HAUS4: variants seen among roughly 807,000 people sequenced by gnomAD.
The protein encoded by HAUS4 is HAUS augmin like complex subunit 4.
A neutral mutation model predicts 50.6 loss-of-function variants in HAUS4; 34 were observed. The ratio of observed to expected loss-of-function variants is 0.67; its 90% confidence interval spans 0.51 to 0.90. The LOEUF (loss-of-function observed/expected upper bound fraction) is 0.90, where lower values mean the gene tolerates loss of function less well. Among genes scored for constraint, HAUS4 ranks in the 40% least tolerant of loss-of-function variants. The pLI, the probability that HAUS4 is intolerant of heterozygous loss-of-function variation, is 0.00. For missense variants in HAUS4, 370 were observed against 428.7 expected (o/e 0.86, Z 1.21); for synonymous variants, 149 against 161.4 (o/e 0.92, Z 0.58).
intron 9 of HAUS4, 59 bp downstream of exon 9, chr14:22,947,112 G>C: frequency 1.8e-6 from 2 of 1,114,248 alleles, no homozygotes; most frequent in Non-Finnish European, 1.4e-6. Flanking sequence ...AAATAAACGA[G>C]TTTAGGGAAT....
chr14:22,948,250 A>T (rs1349042239), intron 6 of HAUS4: 2 of 498,176 alleles, frequency 4.0e-6, no homozygotes. Flanking sequence ...AGAGTTCAAG[A>T]CCGGCTTGGG....
rs754199224 is a variant in HAUS4, at chr14:22,947,992, T to C, written c.584A>G (p.Lys195Arg). ...TGCGAGTTTCCACACCTTTGCTGCC[T>C]TCACGGTTTCACTGTCAGCATCTGA... ...PNSDADSETV[K>R]AAKVWKLAEV... Residue 195 changes from lysine to arginine, a missense_variant, in exon 7 of 10, where the codon AAG becomes AGG. Physicochemically the swap from Lys to Arg is conservative, Grantham distance 26. Coordinates refer to ENST00000541587, the MANE Select transcript of HAUS4 (RefSeq NM_001166269.2). 13 of 1,612,010 alleles carry C rather than the reference T, an allele frequency of 8.1e-6. No homozygotes were observed. Among genetic ancestry groups the C allele is most frequent in the Non-Finnish European group, 1.1e-5 (13 of 1,179,212 alleles).
rs1347100814 is a variant in HAUS4, at chr14:22,950,048, A to T, written c.562+266T>A. Among the ~76,000 whole-genome samples the T allele has an allele frequency of 2.0e-5, 3 of 151,812 alleles. No homozygotes were observed. The East Asian group carries it at 5.8e-4, about 29-fold the overall frequency. ...GAGGCTGAGGCAGGAGAATCACTTGAATCTAGGAGGAGGAGCTTGCGGTGA... is the reference window on the plus strand; with the variant it reads ...GAGGCTGAGGCAGGAGAATCACTTGTATCTAGGAGGAGGAGCTTGCGGTGA... On this transcript the variant is annotated intron_variant, in intron 6 of 9. Transcript: ENST00000541587.
chr14:22,950,052 TAGG>T lies in HAUS4; in HGVS notation c.562+259_562+261del, dbSNP rs2044722982. Among the ~76,000 whole-genome samples, 4 of 149,074 alleles carry T rather than the reference TAGG, an allele frequency of 2.7e-5. No homozygotes were observed. The South Asian group carries it at 6.3e-4, about 23-fold the overall frequency. Reference sequence around the variant, plus strand: ...CTGAGGCAGGAGAATCACTTGAATCTAGGAGGAGGAGCTTGCGGTGAACAGAAA... The same window carrying T: ...CTGAGGCAGGAGAATCACTTGAATCTAGGAGGAGCTTGCGGTGAACAGAAA... On this transcript the variant is annotated intron_variant, in intron 6 of 9. Transcript: ENST00000541587.
chr14:22,947,573 C>CTT, intron 8 of HAUS4, 28 bp downstream of exon 8: 1 of 1,612,806 alleles, frequency 6.2e-7, no homozygotes, highest in Non-Finnish European at 8.5e-7. Flanking sequence ...GACAGAATCC[C>CTT]TTAAGATCCA....
Position 22,946,726 on chromosome 14 carries a change from G to A in HAUS4, c.909-18C>T, listed in dbSNP as rs754742744. On this transcript the variant is annotated intron_variant, in intron 9 of 9. Coordinates refer to ENST00000541587, the MANE Select transcript of HAUS4 (RefSeq NM_001166269.2). ...AACGGTCCCTAAGAGCCCGGGCAGA[G>A]AAGGCACAATATAAGGGTGCTGCTC... 1.3e-6 allele frequency: 2 copies of A among 1,583,798 alleles called. No homozygotes were observed. Among genetic ancestry groups the A allele is most frequent in the South Asian group, 2.3e-5 (2 of 87,858 alleles).
intron 8 of HAUS4, 180 bp downstream of exon 8, chr14:22,947,421 A>C: frequency 1.3e-6 from 1 of 752,350 alleles, no homozygotes; most frequent in South Asian, 1.8e-5. Context: ...AAGACTGTAA[A>C]AGAAAAGTCT....
chr14:22,948,164 C>G (rs993438267), intron 6 of HAUS4, 151 bp from the exon 7 acceptor site: 1 of 804,624 alleles, frequency 1.2e-6, no homozygotes, highest in Non-Finnish European at 1.9e-6. Context: ...TGGCCCCATT[C>G]TGGGCTGAGC....
Position 22,950,259 on chromosome 14 carries a change from G to C in HAUS4, c.562+55C>G, listed in dbSNP as rs188020337. 5 of 909,404 alleles carry C rather than the reference G, an allele frequency of 5.5e-6. No individual in the cohort carries two copies. The African/African-American group carries it at 8.2e-5, about 15-fold the overall frequency. The allele number at this position is 909,404 out of a possible 1,614,324, so 56.3% of individuals were successfully genotyped here. On this transcript the variant is annotated intron_variant, in intron 6 of 9. Coordinates refer to ENST00000541587, the MANE Select transcript of HAUS4 (RefSeq NM_001166269.2). Reference sequence around the variant, plus strand: ...ATCAAAATATATTATTCTCAAAAGAGCAGACCAGGAACCCTGAAGTCCAGC... The same window carrying C: ...ATCAAAATATATTATTCTCAAAAGACCAGACCAGGAACCCTGAAGTCCAGC...
chr14:22,947,288 A>T lies in HAUS4; in HGVS notation c.840-49T>A, dbSNP rs766692213. The T allele has an allele frequency of 3.1e-6, 4 of 1,308,860 alleles. No individual in the cohort carries two copies. The South Asian group carries it at 4.7e-5, about 15-fold the overall frequency. 81.1% of individuals were successfully genotyped at this position (1,308,860 alleles called of 1,614,324 possible). The stretch of plus-strand genomic sequence containing the variant: ...TCAAGGCAGGAAGGTCCCTGATAGC[A>T]GCAGGGTTGGGAATGGACGTAGTAC... On this transcript the variant is annotated intron_variant, in intron 8 of 9. Transcript: ENST00000541587.
chr14:22,952,517 T>C (rs1334829276), intron 3 of HAUS4, 24 bp downstream of exon 3: 1 of 1,613,044 alleles, frequency 6.2e-7, no homozygotes, highest in Non-Finnish European at 8.5e-7. Flanking sequence ...CCCTTCTTCT[T>C]ATCTCTTCTC....
At position 22,955,131 on chromosome 14, in the gene HAUS4, T is replaced by G. The variant is rs1261683162; in HGVS notation, c.24A>C (p.Ser8=). The G allele has an allele frequency of 1.2e-6, 2 of 1,612,332 alleles. No individual in the cohort carries two copies. The highest frequency in any genetic ancestry group is 1.7e-6 in the Non-Finnish European group (2 of 1,178,438). The change falls in exon 2 of 10, where the codon TCA becomes TCC. Residue 8 remains serine (S), a synonymous_variant. Coordinates refer to ENST00000541587, the MANE Select transcript of HAUS4 (RefSeq NM_001166269.2). ...GAAGTATTTCCATCCCTTCTCCAGGTGAGCAGAAATCCCCGGATGCCATTT... is the reference window on the plus strand; with the variant it reads ...GAAGTATTTCCATCCCTTCTCCAGGGGAGCAGAAATCCCCGGATGCCATTT... The part of the protein sequence containing the change: MASGDFC[S]PGEGMEILQQ...
At position 22,946,354 on chromosome 14, in the gene HAUS4, T is replaced by TA. The variant is rs1262011246; in HGVS notation, c.*170dup. 1.3e-4 allele frequency: 60 copies of TA among 458,298 alleles called. No individual in the cohort carries two copies. The South Asian group carries it at 1.9e-3, about 15-fold the overall frequency. 28.4% of individuals were successfully genotyped at this position (458,298 alleles called of 1,614,324 possible). On this transcript the variant is annotated 3_prime_UTR_variant, in exon 10 of 10. Transcript: ENST00000541587. ...AGATTTTCCAGAAGAGGCCCAGTCA[T>TA]AAAAAATAAAGAGAAACCAGGAGAG...
intron 5 of HAUS4, 68 bp downstream of exon 5, chr14:22,951,487 A>C (rs776155290): frequency 6.4e-7 from 1 of 1,561,030 alleles, no homozygotes; most frequent in South Asian, 1.1e-5. Flanking sequence ...TTGACAAAAA[A>C]AACATTTTAA....
At chr14:22,948,690 T>C (rs987588641) in intron 6 of HAUS4, among the ~76,000 whole-genome samples, 2 of 151,612 alleles carry the variant, frequency 1.3e-5, no homozygotes, top group African/African-American at 4.8e-5. Flanking sequence ...CACCCGCCAC[T>C]ACACCCAGCT....
intron 1 of HAUS4, chr14:22,955,402 ATG>A (rs1278498402): frequency 1.1e-5 from 6 of 541,136 alleles, no homozygotes; most frequent in African/African-American, 3.8e-5. Context: ...CTAAGCACAC[ATG>A]TGTTTCCACT....
chr14:22,947,736 G>A lies in HAUS4; in HGVS notation c.709-5C>T. ...AGTGAGGCAGCGGAGAAGCACCTGA[G>A]CCCAAGATGGAGGAAGAAGAGGGCA... On this transcript the variant is annotated splice_polypyrimidine_tract_variant and splice_region_variant and intron_variant, in intron 7 of 9. Coordinates refer to ENST00000541587, the MANE Select transcript of HAUS4 (RefSeq NM_001166269.2). 1 of 1,613,946 alleles carries A rather than the reference G, an allele frequency of 6.2e-7. No individual in the cohort carries two copies. Among genetic ancestry groups the A allele is most frequent in the Non-Finnish European group, 8.5e-7 (1 of 1,179,992 alleles).
chr14:22,951,233 G>C (rs1052566107), intron 5 of HAUS4, among the ~76,000 whole-genome samples: 11 of 150,946 alleles, frequency 7.3e-5, no homozygotes, highest in African/African-American at 2.7e-4. Context: ...TTGAACTCCT[G>C]AACTCAAGTG....
At chr14:22,953,691 G>A (rs2044802982) in intron 2 of HAUS4, among the ~76,000 whole-genome samples, 1 of 151,796 alleles carries the variant, frequency 6.6e-6, no homozygotes, top group Non-Finnish European at 1.5e-5. Flanking sequence ...CACGATCTCG[G>A]CTCACTGCAA....
Sources: allele counts gnomAD v4.1 joint callset (sites outside exome capture counted in the v4.1 genomes callset), GRCh38; gene constraint gnomAD v4.1.1; transcripts MANE v1.5; gene names NCBI Gene and HGNC (gene_info 2026-07-23, HGNC 2026-07-21).